MLF1: variants seen among roughly 807,000 people sequenced by gnomAD.
MLF1 encodes the protein myeloid leukemia factor 1, also known as myelodysplasia-myeloid leukemia factor 1.
In MLF1, 37 loss-of-function variants were observed where a neutral mutation model predicts 38.3. The observed-to-expected ratio is 0.96, with a 90% CI of 0.74 to 1.27. MLF1 has a LOEUF of 1.27. Ranked by LOEUF, MLF1 falls within the 50% of genes most tolerant of loss-of-function variation. The pLI is 0.00. For synonymous variants in MLF1, 95 were observed against 106.5 expected, an observed-to-expected ratio of 0.89 and a Z score of 0.66; for missense variants, 331 against 349.2, an observed-to-expected ratio of 0.95 and a Z score of 0.42.
chr3:158,573,108 A>G (rs1403492313), intron 1 of MLF1, among the ~76,000 whole-genome samples: 1 of 151,440 alleles, frequency 6.6e-6, no homozygotes, highest in African/African-American at 2.4e-5. Flanking sequence ...TTAAATTCCA[A>G]ATAGGAACAG....
intron 2 of MLF1, among the ~76,000 whole-genome samples, 196 bp downstream of exon 2, chr3:158,592,777 G>A (rs1185705579): frequency 6.6e-6 from 1 of 152,076 alleles, no homozygotes; most frequent in Non-Finnish European, 1.5e-5. Flanking sequence ...ATTTCACTGT[G>A]CTACCAAAAC....
rs750901670 is a variant in MLF1 at position 158,598,126 on chromosome 3, CA to C, written c.372del (p.Val125LeufsTer2). 36 of 1,613,692 alleles carry C rather than the reference CA, an allele frequency of 2.2e-5. 1 individual carries two copies. The South Asian group carries it at 3.8e-4, about 17-fold the overall frequency. ...AATGGACATTCATTTTGTTCTTCCTCAGTTATGACTTATTCCAAAATAGGAG... is the reference window on the plus strand; with the variant it reads ...AATGGACATTCATTTTGTTCTTCCTCGTTATGACTTATTCCAAAATAGGAG... ...DPNGHSFCSSSVMTYSKIGDE... is the reference protein window; with the variant it reads ...DPNGHSFCSSXVMTYSKIGDE... On this transcript the variant is annotated frameshift_variant, in exon 5 of 8. Coordinates refer to ENST00000466246, the MANE Select transcript of MLF1 (RefSeq NM_001369783.1). LOFTEE classifies it high-confidence loss of function.
intron 5 of MLF1, 41 bp downstream of exon 5, chr3:158,598,249 G>A: frequency 1.3e-6 from 2 of 1,595,320 alleles, no homozygotes; most frequent in Middle Eastern, 1.7e-4. Flanking sequence ...TATAAAGTTA[G>A]GGGATGATAG....
At position 158,575,323 on chromosome 3, in the gene MLF1, C is replaced by T. The variant is rs573278842; in HGVS notation, c.47+3976C>T. Among the ~76,000 whole-genome samples, 3 of 152,282 alleles carry T rather than the reference C, an allele frequency of 2.0e-5. No individual in the cohort carries two copies. The East Asian group carries it at 5.8e-4, about 29-fold the overall frequency. ...AAAATAGTGGCCAGAACTCTGCTTA[C>T]AGACTACCATCTTTCATTACCACCA... On this transcript the variant is annotated intron_variant, in intron 1 of 7. Transcript: ENST00000466246.
At chr3:158,588,513 A>G (rs1352793124) in intron 1 of MLF1, among the ~76,000 whole-genome samples, 1 of 150,872 alleles carries the variant, frequency 6.6e-6, no homozygotes. Flanking sequence ...AGGCAGGAGA[A>G]TGGCGTGAAC....
Position 158,600,124 on chromosome 3 carries a change from G to A in MLF1, c.564G>A (p.Lys188=). 6.8e-7 allele frequency: 1 copy of A among 1,471,074 alleles called. No homozygotes were observed. The highest frequency in any genetic ancestry group is 2.6e-5 in the East Asian group (1 of 38,432). 91.1% of individuals were successfully genotyped at this position (1,471,074 alleles called of 1,614,324 possible). ...ATGTCATTAAAAAGTCAAAGAACAA[G>A]AAGACTGGAGATGAAGAGGTCAACC... ...RAHVIKKSKN[K]KTGDEEVNQE... The change falls in exon 6 of 8, where the codon AAG becomes AAA. Residue 188 remains lysine (K), a synonymous_variant. Transcript: ENST00000466246.
intron 5 of MLF1, 120 bp downstream of exon 5, chr3:158,598,328 G>A: frequency 2.2e-6 from 2 of 894,052 alleles, no homozygotes; most frequent in East Asian, 3.0e-5. Flanking sequence ...CAGGAGGGAG[G>A]TGTGGGGGTT....
chr3:158,593,217 A>G (rs943014123), intron 2 of MLF1, among the ~76,000 whole-genome samples, 165 bp from the exon 3 acceptor site: 1 of 152,046 alleles, frequency 6.6e-6, no homozygotes, highest in African/African-American at 2.4e-5. Flanking sequence ...TTTCAGCCTC[A>G]TGAATGATAG....
chr3:158,584,699 G>GTA (rs397991477), intron 1 of MLF1, among the ~76,000 whole-genome samples: 2 of 136,992 alleles, frequency 1.5e-5, no homozygotes, highest in Non-Finnish European at 3.1e-5. Context: ...GTGTGTGTGT[G>GTA]TATACTTTTT....
intron 6 of MLF1, 23 bp downstream of exon 6, chr3:158,600,196 T>C: frequency 1.5e-6 from 2 of 1,344,916 alleles, no homozygotes; most frequent in Non-Finnish European, 1.9e-6. Context: ...AAAAAAATAA[T>C]ATTCTTTCTT....
At chr3:158,598,344 T>A in intron 5 of MLF1, 136 bp downstream of exon 5, 1 of 805,690 alleles carries the variant, frequency 1.2e-6, no homozygotes, top group Non-Finnish European at 1.9e-6. Context: ...GGGTTGGGGG[T>A]AAGGTAGTCC....
chr3:158,600,988 T>G (rs1719665275), intron 6 of MLF1, among the ~76,000 whole-genome samples: 1 of 151,542 alleles, frequency 6.6e-6, no homozygotes, highest in African/African-American at 2.4e-5. Flanking sequence ...TTTTATTAAT[T>G]TTTAAATCAA....
chr3:158,602,964 T>G lies in MLF1; in HGVS notation c.746+25T>G, dbSNP rs768895837. 4.4e-6 allele frequency: 7 copies of G among 1,588,568 alleles called. No individual in the cohort carries two copies. In the South Asian group the frequency reaches 6.9e-5, roughly 16 times the overall value. On this transcript the variant is annotated intron_variant, in intron 7 of 7. Transcript: ENST00000466246. ...GGTAAAAGTTGTTTCTAAAATAGTTTGGTTTTTTAAGAAGAATTTGAAGTA... is the reference window on the plus strand; with the variant it reads ...GGTAAAAGTTGTTTCTAAAATAGTTGGGTTTTTTAAGAAGAATTTGAAGTA...
intron 1 of MLF1, 25 bp downstream of exon 1, chr3:158,571,372 G>T: frequency 6.2e-7 from 1 of 1,612,900 alleles, no homozygotes; most frequent in East Asian, 2.2e-5. Flanking sequence ...CCAGGAGTCC[G>T]GGGTCGCGCG....
intron 1 of MLF1, among the ~76,000 whole-genome samples, chr3:158,574,082 C>T (rs184114001): frequency 1.3e-5 from 2 of 152,182 alleles, no homozygotes; most frequent in African/African-American, 4.8e-5. Flanking sequence ...TACAGGCATG[C>T]GCCACTGCAC....
intron 1 of MLF1, chr3:158,591,070 T>C: frequency 2.0e-6 from 1 of 500,076 alleles, no homozygotes; most frequent in Non-Finnish European, 4.0e-6. Context: ...GGAAAAGCTC[T>C]TTCTACTTGG....
rs748541455 is a variant in MLF1 at position 158,600,168 on chromosome 3, A to G, written c.608A>G (p.Asn203Ser). 5.6e-6 allele frequency: 8 copies of G among 1,427,620 alleles called. No individual in the cohort carries two copies. Among genetic ancestry groups the G allele is most frequent in the Non-Finnish European group, 7.4e-6 (8 of 1,086,310 alleles). The allele number at this position is 1,427,620 out of a possible 1,614,324, so 88.4% of individuals were successfully genotyped here. A position where few individuals can be genotyped will look rare whatever the true frequency, so the allele number is the denominator to read the frequency against. The change falls in exon 6 of 8, where the codon AAT becomes AGT. Residue 203 changes from asparagine (N) to serine (S), a missense_variant. Transcript: ENST00000466246. ...EEVNQEFINM[N>S]ESDAHAFDEE... is the part of the protein sequence containing the mutation. Reference sequence around the variant, plus strand: ...GTCAACCAGGAGTTCATCAATATGAATGAAAGTAAGTTATCACAAAAAAAT... The same window carrying G: ...GTCAACCAGGAGTTCATCAATATGAGTGAAAGTAAGTTATCACAAAAAAAT...
chr3:158,591,159 CTTTT>C (rs11314613), intron 1 of MLF1: 400 of 393,926 alleles, frequency 1.0e-3, no homozygotes, highest in Admixed American at 1.9e-3. Context: ...AGGAAAATTT[CTTTT>C]TTTTTTTTTT....
At chr3:158,582,574 G>C (rs1393927861) in intron 1 of MLF1, 6 of 282,624 alleles carry the variant, frequency 2.1e-5, no homozygotes, top group Non-Finnish European at 1.3e-5. Flanking sequence ...CAAAGATAAA[G>C]AAGAAATCTT....
Sources: gnomAD v4.1 joint callset for allele counts (sites outside exome capture counted in the v4.1 genomes callset) on GRCh38, gnomAD v4.1.1 for gene constraint, MANE v1.5 for transcripts, NCBI Gene and HGNC (gene_info 2026-07-23, HGNC 2026-07-21) for gene names.